PRKCZ: variants seen among roughly 807,000 people sequenced by gnomAD.
PRKCZ encodes the protein protein kinase C zeta type.
Under a neutral mutation model 79.5 loss-of-function variants are expected in PRKCZ, and 33 were observed. The observed-to-expected ratio is 0.41, with a 90% CI of 0.31 to 0.55. PRKCZ has a LOEUF of 0.55. Among genes scored for constraint, PRKCZ ranks in the 20% least tolerant of loss-of-function variants. PRKCZ has a pLI of 0.19. For synonymous variants in PRKCZ, 342 were observed against 320.9 expected (o/e 1.07, Z -0.70); for missense variants, 578 against 813.5 (o/e 0.71, Z 3.52).
intron 4 of PRKCZ, among the ~76,000 whole-genome samples, chr1:2,079,416 TG>T (rs1271508345): frequency 1.3e-5 from 2 of 152,252 alleles, no homozygotes. Flanking sequence ...CAGTTTGAGC[TG>T]GGACTCAAAC....
intron 4 of PRKCZ, among the ~76,000 whole-genome samples, chr1:2,064,642 C>A (rs1298522447): frequency 1.3e-5 from 2 of 152,214 alleles, no homozygotes; most frequent in Admixed American, 1.3e-4. Context: ...ACTGCATTGG[C>A]ACCCTTGTTG....
In PRKCZ at chr1:2,168,764, CAAAT is replaced by C; in HGVS notation, c.975-750_975-747del. 5.3e-6 allele frequency: 1 copy of C among 189,978 alleles called. No individual in the cohort carries two copies. The highest frequency in any genetic ancestry group is 1.1e-5 in the Non-Finnish European group (1 of 89,670). The allele number at this position is 189,978 out of a possible 1,614,324, so 11.8% of individuals were successfully genotyped here. A position where few individuals can be genotyped will look rare whatever the true frequency, so the allele number is the denominator to read the frequency against. ...GCCAGGAGCAGCCACCAGTCGGAAG[CAAAT>C]AAACAATTCAGGTGCCAGAGGAGCC... On this transcript the variant is annotated intron_variant, in intron 10 of 17. Transcript: ENST00000378567. The surrounding 1 kb of genome is among the most constrained non-coding windows in gnomAD (Gnocchi z 4.7).
rs558183814 is a variant in PRKCZ at position 2,109,741 on chromosome 1, A to G, written c.335-25521A>G. On this transcript the variant is annotated intron_variant, in intron 4 of 17. Coordinates refer to ENST00000378567, the MANE Select transcript of PRKCZ (RefSeq NM_002744.6). ...CGGGCTCTCATTCTCCCCATTGTACAGCCCAGCCTGTAGAGGCAGGTGAGG... is the reference window on the plus strand; with the variant it reads ...CGGGCTCTCATTCTCCCCATTGTACGGCCCAGCCTGTAGAGGCAGGTGAGG... 2.6e-4 allele frequency among the ~76,000 whole-genome samples: 40 copies of G among 152,120 alleles called. No homozygotes were observed. The South Asian group carries it at 5.8e-3, about 22-fold the overall frequency.
intron 7 of PRKCZ, 79 bp downstream of exon 7, chr1:2,146,187 C>G: frequency 7.2e-7 from 1 of 1,384,378 alleles, no homozygotes; most frequent in Non-Finnish European, 1.0e-6. Flanking sequence ...AGCCACGAGT[C>G]CTTTCTCAGT....
chr1:2,172,429 C>T lies in PRKCZ; in HGVS notation c.1285+41C>T. On this transcript the variant is annotated intron_variant, in intron 13 of 17. Transcript: ENST00000378567. The surrounding 1 kb of genome is among the most constrained non-coding windows in gnomAD (Gnocchi z 7.8). ...CTGGCCCCTCTCGGAGCACACAGGGCCAGAGATGGCTTCGGGCCTGGCCCA... is the reference window on the plus strand; with the variant it reads ...CTGGCCCCTCTCGGAGCACACAGGGTCAGAGATGGCTTCGGGCCTGGCCCA... The T allele has an allele frequency of 6.3e-7, 1 of 1,580,986 alleles. No individual in the cohort carries two copies. The highest frequency in any genetic ancestry group is 8.6e-7 in the Non-Finnish European group (1 of 1,161,112).
chr1:2,156,314 A>T, intron 10 of PRKCZ: 1 of 453,674 alleles, frequency 2.2e-6, no homozygotes, highest in South Asian at 2.1e-5. Context: ...CGAAATACTT[A>T]CTGGAGGTAT....
At chr1:2,171,734 C>T in intron 11 of PRKCZ, 1 of 321,424 alleles carries the variant, frequency 3.1e-6, no homozygotes, top group East Asian at 7.3e-5. Flanking sequence ...TGCACTCCTA[C>T]CACAACGTGC....
Position 2,169,407 on chromosome 1 carries a change from T to A in PRKCZ, c.975-111T>A, listed in dbSNP as rs1683970889. The A allele has an allele frequency of 6.6e-6, 6 of 909,980 alleles. No homozygotes were observed. The African/African-American group carries it at 6.6e-5, about 10-fold the overall frequency. 56.4% of individuals were successfully genotyped at this position (909,980 alleles called of 1,614,324 possible). On this transcript the variant is annotated intron_variant, in intron 10 of 17. Coordinates refer to ENST00000378567, the MANE Select transcript of PRKCZ (RefSeq NM_002744.6). ...TGCTGCTCTTTGCTCTTTGCAAGAC[T>A]GAACCTGCGGGAGGGTTCGGGCCCA...
intron 10 of PRKCZ, among the ~76,000 whole-genome samples, chr1:2,162,794 A>G (rs922292319): frequency 1.3e-5 from 2 of 152,140 alleles, no homozygotes; most frequent in African/African-American, 2.4e-5. Context: ...CGTTTCTGTT[A>G]TAAACGAGGT....
At chr1:2,132,026 T>C (rs1273648220) in intron 4 of PRKCZ, among the ~76,000 whole-genome samples, 2 of 152,206 alleles carry the variant, frequency 1.3e-5, no homozygotes, top group South Asian at 2.1e-4. Flanking sequence ...TTAGCCAGGA[T>C]GGTCTCGATC....
chr1:2,097,653 G>A (rs1303050013), intron 4 of PRKCZ, among the ~76,000 whole-genome samples: 2 of 152,070 alleles, frequency 1.3e-5, no homozygotes, highest in Non-Finnish European at 2.9e-5. Context: ...CCCAGCCCAT[G>A]CACCCCGGAA....
intron 1 of PRKCZ, among the ~76,000 whole-genome samples, chr1:2,051,969 G>A (rs975695158): frequency 2.0e-5 from 3 of 152,146 alleles, no homozygotes; most frequent in Non-Finnish European, 2.9e-5. Flanking sequence ...GGGACTGACC[G>A]TCCAGCCCTA....
chr1:2,108,948 C>T (rs960862430), intron 4 of PRKCZ, among the ~76,000 whole-genome samples: 5 of 152,164 alleles, frequency 3.3e-5, no homozygotes, highest in East Asian at 1.9e-4. Context: ...CCGCCTTCTC[C>T]GGCGTCTGAA....
chr1:2,114,180 G>A (rs1324728327), intron 4 of PRKCZ, among the ~76,000 whole-genome samples: 1 of 148,650 alleles, frequency 6.7e-6, no homozygotes, highest in Admixed American at 6.7e-5. Context: ...CTCCGTCGTG[G>A]CCTGGGAGGA....
chr1:2,061,978 A>G (rs1174130227), intron 4 of PRKCZ, among the ~76,000 whole-genome samples: 1 of 152,064 alleles, frequency 6.6e-6, no homozygotes, highest in African/African-American at 2.4e-5. Flanking sequence ...AGGGTCAGTG[A>G]GAAGGGTCGG....
At chr1:2,132,353 G>A (rs1675153190) in intron 4 of PRKCZ, among the ~76,000 whole-genome samples, 1 of 152,240 alleles carries the variant, frequency 6.6e-6, no homozygotes, top group African/African-American at 2.4e-5. Flanking sequence ...CCGAGCCCAG[G>A]AGCGAGCGTT....
At chr1:2,083,035 GAAGTT>G (rs907818000) in intron 4 of PRKCZ, among the ~76,000 whole-genome samples, 2 of 152,126 alleles carry the variant, frequency 1.3e-5, no homozygotes, top group African/African-American at 4.8e-5. Context: ...GTCTGAACAG[GAAGTT>G]ACATTTAGGG....
At chr1:2,112,890 C>A (rs1054988518) in intron 4 of PRKCZ, among the ~76,000 whole-genome samples, 2 of 152,144 alleles carry the variant, frequency 1.3e-5, no homozygotes, top group Non-Finnish European at 2.9e-5. Flanking sequence ...CGGGGTTTCA[C>A]CGTGTTGGCC....
intron 4 of PRKCZ, among the ~76,000 whole-genome samples, chr1:2,110,447 G>C (rs949726408): frequency 1.3e-5 from 2 of 151,562 alleles, no homozygotes; most frequent in East Asian, 3.9e-4. Flanking sequence ...CGTGGCTCCT[G>C]GGTCGCAGCT....
Sources: allele counts gnomAD v4.1 joint callset (sites outside exome capture counted in the v4.1 genomes callset), GRCh38; gene constraint gnomAD v4.1.1; non-coding constraint Gnocchi (gnomAD v3.1); transcripts MANE v1.5; gene names NCBI Gene and HGNC (gene_info 2026-07-23, HGNC 2026-07-21).